Variants in ZNF117 observed in about 807,000 individuals in gnomAD.
ZNF117 encodes zinc finger protein 117, also known as Krueppel-related zinc finger protein.
ZNF117 carries 37 observed loss-of-function variants against 41.2 expected under a neutral mutation model. The ratio of observed to expected loss-of-function variants is 0.90; its 90% CI spans 0.69 to 1.18. The LOEUF (loss-of-function observed/expected upper bound fraction) is 1.18. Among genes scored for constraint, ZNF117 ranks in the 50% most tolerant of loss-of-function variants. The pLI is 0.00. For missense variants in ZNF117, 546 were observed against 557.5 expected (o/e 0.98, Z 0.21); for synonymous variants, 186 against 186.6 (o/e 1.00, Z 0.02).
exon 3 of ZNF117, chr7:64,975,032 C>A (rs1278675040): frequency 6.6e-6 from 1 of 151,804 alleles, no homozygotes; most frequent in Non-Finnish European, 1.5e-5. Flanking sequence ...CCTATGGGAA[C>A]AATGTTCTTT....
At chr7:64,981,880 G>C in intron 1 of ZNF117, 104 bp downstream of exon 2, 1 of 390,092 alleles carries the variant, frequency 2.6e-6, no homozygotes, top group East Asian at 4.7e-5. Context: ...TTGAAAACAG[G>C]GATCTGAAAC....
Position 64,989,481 on chromosome 7 carries a change from ATATATATATATATATAT to A in ZNF117, c.-196+449_-196+465del, listed in dbSNP as rs1562649419. Among the ~76,000 whole-genome samples, 141 of 93,826 alleles carry A rather than the reference ATATATATATATATATAT, an allele frequency of 1.5e-3. 2 individuals carry two copies. Among genetic ancestry groups the A allele is most frequent in the African/African-American group, 2.4e-3 (74 of 31,438 alleles). The allele number at this position is 93,826 out of a possible 152,430, so 61.6% of individuals were successfully genotyped here. A position where few individuals can be genotyped will look rare whatever the true frequency, so the allele number is the denominator to read the frequency against. On this transcript the variant is annotated intron_variant, in intron 1 of 3. Coordinates refer to the ZNF117 transcript ENST00000282869. ...TATATATATATATATATATATATAT[ATATATATATATATATAT>A]AAAACCTGAAAATAATCTAGAAAAT...
chr7:64,981,143 A>T (rs1786022689), intron 2 of ZNF117: 1 of 498,358 alleles, frequency 2.0e-6, no homozygotes, highest in African/African-American at 2.0e-5. Flanking sequence ...TTTATATCCC[A>T]TGAAGAGGAT....
chr7:64,973,421 A>G (rs1156246569), downstream of ZNF117: 1 of 152,024 alleles, frequency 6.6e-6, no homozygotes, highest in Non-Finnish European at 1.5e-5. Context: ...AGCCTGGGCA[A>G]TAAGAGTGAA....
At chr7:64,979,912 C>A (rs1785989876) in intron 2 of ZNF117, 1 of 157,662 alleles carries the variant, frequency 6.3e-6, no homozygotes. Flanking sequence ...AAATAACACA[C>A]CCACATCTTT....
chr7:64,981,410 T>C (rs373908256), exon 2 of ZNF117: 8 of 1,613,084 alleles, frequency 5.0e-6, no homozygotes, highest in Non-Finnish European at 6.8e-6. Context: ...TACCATCTCA[T>C]GTCTCTTCAT....
exon 3 of ZNF117, chr7:64,978,758 A>G (rs1176217473): frequency 2.5e-6 from 4 of 1,613,208 alleles, no homozygotes; most frequent in Non-Finnish European, 3.4e-6. Context: ...TCTCTCCAGT[A>G]TGAATGTACT....
chr7:64,983,805 T>C (rs952945900), upstream of ZNF117, among the ~76,000 whole-genome samples: 2 of 152,122 alleles, frequency 1.3e-5, no homozygotes, highest in African/African-American at 4.8e-5. Context: ...TAATGGGGCC[T>C]CTAAAACAGA....
At chr7:64,984,450 ATTTGAG>A (rs1786093428), upstream of ZNF117, among the ~76,000 whole-genome samples, 1 of 152,214 alleles carries the variant, frequency 6.6e-6, no homozygotes, top group South Asian at 2.1e-4. Flanking sequence ...AGTGGAATAC[ATTTGAG>A]TTTGCATCAT....
chr7:64,974,312 CAAG>C (rs1389027309), downstream of ZNF117: 2 of 151,406 alleles, frequency 1.3e-5, no homozygotes, highest in Admixed American at 6.6e-5. Flanking sequence ...TGGTAAGAAA[CAAG>C]AAAATTATAG....
At chr7:64,989,008 G>T in intron 1 of ZNF117, among the ~76,000 whole-genome samples, 1 of 151,962 alleles carries the variant, frequency 6.6e-6, no homozygotes, top group South Asian at 2.1e-4. Flanking sequence ...TCATTAAAAT[G>T]GCCATACTGC....
At chr7:64,976,166 G>T (rs1221636379) in exon 3 of ZNF117, 1 of 152,078 alleles carries the variant, frequency 6.6e-6, no homozygotes, top group Non-Finnish European at 1.5e-5. Flanking sequence ...TATTTGTCAG[G>T]CACAGTGACT....
exon 3 of ZNF117, chr7:64,974,960 C>T (rs989039091): frequency 4.6e-5 from 7 of 151,682 alleles, no homozygotes; most frequent in South Asian, 4.2e-4. Context: ...TATATACACA[C>T]ACTATGTACC....
At chr7:64,983,906 G>A (rs1786083808), upstream of ZNF117, among the ~76,000 whole-genome samples, 1 of 152,002 alleles carries the variant, frequency 6.6e-6, no homozygotes. Context: ...AAAAACACAA[G>A]CTAGATATAA....
downstream of ZNF117, chr7:64,972,753 T>A (rs1785802595): frequency 6.6e-6 from 1 of 152,088 alleles, no homozygotes; most frequent in Non-Finnish European, 1.5e-5. Flanking sequence ...CAGATCATAA[T>A]AATGTAGTTG....
intron 1 of ZNF117, among the ~76,000 whole-genome samples, chr7:64,989,052 T>C (rs1404742591): frequency 6.6e-6 from 1 of 151,908 alleles, no homozygotes; most frequent in Non-Finnish European, 1.5e-5. Flanking sequence ...GTAATTCCTA[T>C]CAAACTACCA....
downstream of ZNF117, chr7:64,974,164 C>A (rs1473428487): frequency 1.3e-5 from 2 of 151,760 alleles, no homozygotes; most frequent in Non-Finnish European, 3.0e-5. Context: ...ATGGAATGTT[C>A]TAACTAAATA....
chr7:64,983,780 G>C (rs2129119900), upstream of ZNF117, among the ~76,000 whole-genome samples: 1 of 152,250 alleles, frequency 6.6e-6, no homozygotes, highest in Middle Eastern at 3.4e-3. Flanking sequence ...CTCATTCACA[G>C]ACACCATGGG....
upstream of ZNF117, among the ~76,000 whole-genome samples, chr7:64,983,990 G>A (rs1786084880): frequency 6.6e-6 from 1 of 152,316 alleles, no homozygotes; most frequent in Non-Finnish European, 1.5e-5. Context: ...GCTACTCTCA[G>A]CATGAGAAAC....
Sources: gnomAD v4.1 joint callset for allele counts (sites outside exome capture counted in the v4.1 genomes callset) on GRCh38, gnomAD v4.1.1 for gene constraint, MANE v1.5 for transcripts, NCBI Gene and HGNC (gene_info 2026-07-23, HGNC 2026-07-21) for gene names.